The following CDH13 variants were observed in gnomAD, a reference collection of about 807,000 sequenced individuals.
The protein encoded by CDH13 is cadherin 13.
In CDH13, 24 loss-of-function variants were observed where a neutral mutation model predicts 63.8. That is an observed-to-expected ratio of 0.38 (90% CI 0.27 to 0.53). The LOEUF (loss-of-function observed/expected upper bound fraction) is 0.53, where lower values mean the gene tolerates loss of function less well. Among genes scored for constraint, CDH13 ranks in the 20% least tolerant of loss-of-function variants. The pLI is 0.85. For synonymous variants in CDH13, 503 were observed against 355.3 expected, an observed-to-expected ratio of 1.42 and a Z score of -4.67; for missense variants, 1,049 against 903.1, an observed-to-expected ratio of 1.16 and a Z score of -2.07.
rs185074327 is a variant in CDH13 at position 83,161,687 on chromosome 16, A to G, written c.483+36186A>G. On this transcript the variant is annotated intron_variant, in intron 4 of 13. Coordinates refer to ENST00000567109, the MANE Select transcript of CDH13 (RefSeq NM_001257.5). ...TGCATATTTATAGAGTTAAAGAATC[A>G]CCCACCATGGTTCTCTTTCTTATCC... 7.4e-4 allele frequency among the ~76,000 whole-genome samples: 113 copies of G among 152,194 alleles called. 1 individual carries two copies. The East Asian group carries it at 0.021, about 29-fold the overall frequency.
chr16:83,667,908 C>T (rs1914145172), intron 8 of CDH13, among the ~76,000 whole-genome samples: 1 of 152,142 alleles, frequency 6.6e-6, no homozygotes, highest in Non-Finnish European at 1.5e-5. Context: ...AGTGATCCTC[C>T]CACCTCAGCC....
chr16:83,243,787 G>A (rs1350582826), intron 5 of CDH13, among the ~76,000 whole-genome samples: 1 of 152,106 alleles, frequency 6.6e-6, no homozygotes, highest in Non-Finnish European at 1.5e-5. Flanking sequence ...TTATACTTAT[G>A]GTCAGTTAGT....
At chr16:83,105,517 T>A (rs1241506532) in intron 3 of CDH13, among the ~76,000 whole-genome samples, 1 of 152,196 alleles carries the variant, frequency 6.6e-6, no homozygotes, top group Non-Finnish European at 1.5e-5. Flanking sequence ...GCCTCAGGTG[T>A]TAGGTAAAAC....
chr16:82,743,863 C>T (rs1245729089), intron 1 of CDH13, among the ~76,000 whole-genome samples: 1 of 152,012 alleles, frequency 6.6e-6, no homozygotes, highest in Admixed American at 6.5e-5. Context: ...TCAAGCTATT[C>T]AGGTGTATGT....
chr16:83,616,709 C>T (rs1468489194), intron 8 of CDH13, among the ~76,000 whole-genome samples: 1 of 152,170 alleles, frequency 6.6e-6, no homozygotes, highest in Non-Finnish European at 1.5e-5. Context: ...CCAAGAGCAG[C>T]ATAAATGGAG....
intron 2 of CDH13, among the ~76,000 whole-genome samples, chr16:82,959,490 C>T (rs970799686): frequency 6.6e-6 from 1 of 152,180 alleles, no homozygotes; most frequent in African/African-American, 2.4e-5. Context: ...CTTCCCTCTC[C>T]CAGTTTCTAG....
At chr16:83,619,989 A>C (rs1281667135) in intron 8 of CDH13, among the ~76,000 whole-genome samples, 2 of 151,668 alleles carry the variant, frequency 1.3e-5, no homozygotes, top group Non-Finnish European at 2.9e-5. Context: ...TGAAAGAGTC[A>C]GGGAGGGTGT....
intron 1 of CDH13, among the ~76,000 whole-genome samples, chr16:82,834,662 T>C (rs1487299122): frequency 2.0e-5 from 3 of 152,158 alleles, no homozygotes; most frequent in East Asian, 3.9e-4. Flanking sequence ...TCAGCCCCCT[T>C]GTCTGCCTGA....
chr16:83,075,136 T>C (rs1237260723), intron 3 of CDH13, among the ~76,000 whole-genome samples: 2 of 152,178 alleles, frequency 1.3e-5, no homozygotes, highest in Admixed American at 6.5e-5. Context: ...CCCAGTAGGA[T>C]TGAGCTCCAG....
chr16:82,671,452 CAT>C (rs778311661), intron 1 of CDH13, among the ~76,000 whole-genome samples: 21 of 152,198 alleles, frequency 1.4e-4, no homozygotes, highest in East Asian at 1.2e-3. Flanking sequence ...CATTTATACA[CAT>C]GTCTTTTCAA....
At chr16:82,970,041 A>G (rs1220075205) in intron 2 of CDH13, among the ~76,000 whole-genome samples, 6 of 151,768 alleles carry the variant, frequency 4.0e-5, no homozygotes, top group Admixed American at 2.0e-4. Context: ...GCATCTGTCA[A>G]TCCGTCATCT....
intron 3 of CDH13, among the ~76,000 whole-genome samples, chr16:83,063,582 C>T (rs1038057505): frequency 1.3e-5 from 2 of 152,184 alleles, no homozygotes; most frequent in African/African-American, 4.8e-5. Context: ...TTAGCATGAC[C>T]AGACTTGCCA....
chr16:83,797,266 A>C lies in CDH13; in HGVS notation c.*2236A>C, dbSNP rs1411839828. ...ACTTCAGCCACATGCAGGGAGAAAC[A>C]CAGCAGCTGAGTGGCCATTCACTCA... On this transcript the variant is annotated 3_prime_UTR_variant, in exon 14 of 14. Coordinates refer to ENST00000567109, the MANE Select transcript of CDH13 (RefSeq NM_001257.5). 1.3e-5 allele frequency: 2 copies of C among 152,256 alleles called. No homozygotes were observed. Among genetic ancestry groups the C allele is most frequent in the Non-Finnish European group, 2.9e-5 (2 of 68,050 alleles). The allele number at this position is 152,256 out of a possible 1,614,324, so 9.4% of individuals were successfully genotyped here. A position where few individuals can be genotyped will look rare whatever the true frequency, so the allele number is the denominator to read the frequency against.
At chr16:82,649,777 C>G (rs1178585068) in intron 1 of CDH13, among the ~76,000 whole-genome samples, 1 of 152,194 alleles carries the variant, frequency 6.6e-6, no homozygotes, top group Non-Finnish European at 1.5e-5. Flanking sequence ...GGACACCAGA[C>G]TGCCTGGGTT....
intron 8 of CDH13, among the ~76,000 whole-genome samples, chr16:83,610,942 C>G (rs1908803308): frequency 2.0e-5 from 3 of 152,140 alleles, no homozygotes; most frequent in Admixed American, 2.0e-4. Context: ...TATATTTTCC[C>G]CAACATTTGG....
intron 1 of CDH13, among the ~76,000 whole-genome samples, chr16:82,640,600 A>G (rs1204792863): frequency 6.6e-6 from 1 of 152,192 alleles, no homozygotes; most frequent in African/African-American, 2.4e-5. Flanking sequence ...TCAGGCTGCC[A>G]TTTGCCAACC....
rs184895708 is a variant in CDH13, at chr16:82,799,585, C to A, written c.46-58777C>A. Among the ~76,000 whole-genome samples, 12 of 152,286 alleles carry A rather than the reference C, an allele frequency of 7.9e-5. No homozygotes were observed. The East Asian group carries it at 2.1e-3, about 27-fold the overall frequency. The stretch of plus-strand genomic sequence containing the variant: ...AGGAGAAATAAATGGAAAACTCTTA[C>A]TTAGTATTAGTTTATTTAGACCCAT... On this transcript the variant is annotated intron_variant, in intron 1 of 13. Transcript: ENST00000567109.
At chr16:82,873,419 A>C (rs2040407900) in intron 2 of CDH13, among the ~76,000 whole-genome samples, 1 of 152,286 alleles carries the variant, frequency 6.6e-6, no homozygotes, top group East Asian at 1.9e-4. Context: ...GGAATGCTGT[A>C]GCTGGTGTTG....
At chr16:83,512,433 G>A (rs1408091391) in intron 7 of CDH13, among the ~76,000 whole-genome samples, 5 of 150,956 alleles carry the variant, frequency 3.3e-5, no homozygotes, top group Admixed American at 6.6e-5. Flanking sequence ...CACTTTGGGA[G>A]GCCGAGGTGG....
Sources: gnomAD v4.1 joint callset for allele counts (sites outside exome capture counted in the v4.1 genomes callset) on GRCh38, gnomAD v4.1.1 for gene constraint, MANE v1.5 for transcripts, NCBI Gene and HGNC (gene_info 2026-07-23, HGNC 2026-07-21) for gene names.